Variants in LRRFIP1 observed in about 807,000 individuals in gnomAD.
The protein encoded by LRRFIP1 is LRR binding FLII interacting protein 1, also known as leucine-rich repeat flightless-interacting protein 1.
In LRRFIP1, 62 loss-of-function variants were observed where a neutral mutation model predicts 104.4. That is an observed-to-expected ratio of 0.59 (90% CI 0.48 to 0.73). The LOEUF (loss-of-function observed/expected upper bound fraction) is 0.73. Among genes scored for constraint, LRRFIP1 ranks in the 30% least tolerant of loss-of-function variants. LRRFIP1 has a pLI of 0.00. For missense variants in LRRFIP1, 796 were observed against 824.5 expected (o/e 0.97, Z 0.42); for synonymous variants, 300 against 299.0 (o/e 1.00, Z -0.03).
At chr2:237,764,058 G>C in intron 19 of LRRFIP1, 1 of 1,614,182 alleles carries the variant, frequency 6.2e-7, no homozygotes, top group Non-Finnish European at 8.5e-7. Context: ...AGAGAGCCAG[G>C]GCACTTCAAT....
At chr2:237,734,250 A>G (rs1170818921) in intron 9 of LRRFIP1, among the ~76,000 whole-genome samples, 2 of 146,372 alleles carry the variant, frequency 1.4e-5, no homozygotes, top group Non-Finnish European at 3.0e-5. Flanking sequence ...TACTCAAAGT[A>G]GCTATATTGT....
rs200629484 is a variant in LRRFIP1 at position 237,675,793 on chromosome 2, GC to G, written c.97-32749del. Among the ~76,000 whole-genome samples, 475 of 152,260 alleles carry G rather than the reference GC, an allele frequency of 3.1e-3. 9 individuals are homozygous for G. The East Asian group carries it at 0.047, about 15-fold the overall frequency. On this transcript the variant is annotated intron_variant, in intron 1 of 23. Coordinates refer to ENST00000308482, the MANE Select transcript of LRRFIP1 (RefSeq NM_001137550.2). ...CTCCATTTTGATGTATTTCCTTAGG[GC>G]CTTAGGTGTTGTTTATTTTTGCAGA... is the stretch of plus-strand genomic sequence containing the variant.
intron 1 of LRRFIP1, among the ~76,000 whole-genome samples, chr2:237,656,222 T>C (rs1422680697): frequency 6.6e-6 from 1 of 152,252 alleles, no homozygotes; most frequent in Non-Finnish European, 1.5e-5. Flanking sequence ...AAATCAGTGC[T>C]ATGTATAGAA....
At chr2:237,645,585 A>T (rs1238817475) in intron 1 of LRRFIP1, among the ~76,000 whole-genome samples, 2 of 151,892 alleles carry the variant, frequency 1.3e-5, no homozygotes, top group Non-Finnish European at 2.9e-5. Context: ...TGAAAACAAG[A>T]TATGCTTGGG....
intron 8 of LRRFIP1, among the ~76,000 whole-genome samples, chr2:237,731,959 C>T (rs1002850548): frequency 1.6e-4 from 24 of 152,206 alleles, no homozygotes; most frequent in South Asian, 8.3e-4. Context: ...CTGCCCAGTA[C>T]GTGGTGCGTT....
intron 10 of LRRFIP1, among the ~76,000 whole-genome samples, chr2:237,736,973 C>T (rs1014868086): frequency 3.3e-5 from 5 of 152,034 alleles, no homozygotes; most frequent in Non-Finnish European, 5.9e-5. Flanking sequence ...AGGTTATGGC[C>T]CAGGACGGTG....
At chr2:237,707,466 A>AG (rs1043628696) in intron 1 of LRRFIP1, among the ~76,000 whole-genome samples, 1 of 151,840 alleles carries the variant, frequency 6.6e-6, no homozygotes, top group African/African-American at 2.4e-5. Context: ...AAAAAGAAAA[A>AG]AAAAAAAAAG....
chr2:237,692,329 G>A (rs1275594013), intron 1 of LRRFIP1: 7 of 1,236,346 alleles, frequency 5.7e-6, no homozygotes, highest in Non-Finnish European at 6.1e-6. Context: ...AAGCGCGAGC[G>A]TTCACTTAGC....
At chr2:237,643,714 G>A (rs2084401992) in intron 1 of LRRFIP1, among the ~76,000 whole-genome samples, 1 of 149,442 alleles carries the variant, frequency 6.7e-6, no homozygotes, top group South Asian at 2.1e-4. Flanking sequence ...AAAAGTGAGT[G>A]AGTGAATGAA....
chr2:237,773,059 G>A (rs1576436654), intron 22 of LRRFIP1, 114 bp downstream of exon 22: 3 of 747,192 alleles, frequency 4.0e-6, no homozygotes, highest in Non-Finnish European at 6.8e-6. Flanking sequence ...ACCAAGAAAT[G>A]TCCTAAGAGG....
intron 7 of LRRFIP1, among the ~76,000 whole-genome samples, chr2:237,724,523 G>T (rs1444872547): frequency 6.6e-6 from 1 of 152,304 alleles, no homozygotes; most frequent in East Asian, 1.9e-4. Flanking sequence ...TCGGGAGTCA[G>T]GACAGGGGAA....
At position 237,672,987 on chromosome 2, in the gene LRRFIP1, C is replaced by A. The variant is rs80161240; in HGVS notation, c.97-35557C>A. The stretch of plus-strand genomic sequence containing the variant: ...AGAAATTCTTTTACAATACGATGAC[C>A]GTGCTCCGTCGTTTTAGGCGAAGAA... On this transcript the variant is annotated intron_variant, in intron 1 of 23. Coordinates refer to ENST00000308482, the MANE Select transcript of LRRFIP1 (RefSeq NM_001137550.2). 6.0e-4 allele frequency among the ~76,000 whole-genome samples: 91 copies of A among 152,250 alleles called. 1 individual carries two copies. Among genetic ancestry groups the A allele is most frequent in the African/African-American group, 2.1e-3 (89 of 41,560 alleles).
intron 23 of LRRFIP1, 25 bp from the exon 24 acceptor site, chr2:237,779,397 C>T: frequency 6.2e-7 from 1 of 1,610,050 alleles, no homozygotes; most frequent in East Asian, 2.2e-5. Flanking sequence ...TTCCTTAAAG[C>T]TCACTGCCTT....
chr2:237,733,832 C>G lies in LRRFIP1; in HGVS notation c.489+14C>G. The G allele has an allele frequency of 2.5e-6, 4 of 1,613,900 alleles. No homozygotes were observed. Among genetic ancestry groups the G allele is most frequent in the Non-Finnish European group, 2.5e-6 (3 of 1,179,784 alleles). On this transcript the variant is annotated intron_variant, in intron 9 of 23. Transcript: ENST00000308482. ...GGGAGTTACCGGGTGCGTGTGCTGC[C>G]CACCCTGCTGCCCCGCACCCCCTCC...
intron 1 of LRRFIP1, among the ~76,000 whole-genome samples, chr2:237,665,187 A>G (rs1249558919): frequency 6.6e-6 from 1 of 152,248 alleles, no homozygotes; most frequent in Non-Finnish European, 1.5e-5. Flanking sequence ...CTAAAATTCT[A>G]AGGTTAAAGA....
chr2:237,737,936 A>T (rs1298467918), intron 10 of LRRFIP1, among the ~76,000 whole-genome samples: 1 of 152,244 alleles, frequency 6.6e-6, no homozygotes, highest in African/African-American at 2.4e-5. Context: ...TCTTGTCCAC[A>T]GCCCTGTACA....
In LRRFIP1 at chr2:237,676,536, C is replaced by T. The variant is rs181377477; in HGVS notation, c.97-32008C>T. Among the ~76,000 whole-genome samples the T allele has an allele frequency of 5.7e-3, 865 of 152,194 alleles. 15 individuals are homozygous for T. The highest frequency in any genetic ancestry group is 5.4e-3 in the Non-Finnish European group (365 of 68,012). On this transcript the variant is annotated intron_variant, in intron 1 of 23. Coordinates refer to ENST00000308482, the MANE Select transcript of LRRFIP1 (RefSeq NM_001137550.2). ...CGTTTTGTTTTTTGAGACAGAGACT[C>T]GCTCTGTCACACAGGCTGGAGTTCA...
intron 1 of LRRFIP1, among the ~76,000 whole-genome samples, chr2:237,690,623 C>G (rs10210547): frequency 0.12 from 17,735 of 151,532 alleles, 3,172 homozygotes; most frequent in African/African-American, 0.39. Flanking sequence ...TGTAATCCCA[C>G]CTACTCGGGA....
intron 1 of LRRFIP1, among the ~76,000 whole-genome samples, chr2:237,692,827 C>T (rs1047380208): frequency 4.6e-5 from 7 of 152,274 alleles, no homozygotes; most frequent in African/African-American, 1.7e-4. Context: ...AGGTCTGCGC[C>T]TGGCCTGGAG....
Sources: allele counts gnomAD v4.1 joint callset (sites outside exome capture counted in the v4.1 genomes callset), GRCh38; gene constraint gnomAD v4.1.1; transcripts MANE v1.5; gene names NCBI Gene and HGNC (gene_info 2026-07-23, HGNC 2026-07-21).